The following SPIDR variants were observed in gnomAD, a reference collection of about 807,000 sequenced individuals.
The protein encoded by SPIDR is DNA repair-scaffolding protein.
SPIDR carries 93 observed loss-of-function variants against 104.6 expected under a neutral mutation model. The observed-to-expected ratio is 0.89, with a 90% CI of 0.75 to 1.06. The LOEUF (loss-of-function observed/expected upper bound fraction) is 1.06. Ranked by LOEUF, SPIDR falls within the 50% of genes least tolerant of loss-of-function variation. The pLI, the probability that SPIDR is intolerant of heterozygous loss-of-function variation, is 0.00. For missense variants in SPIDR, 1,154 were observed against 1,111.2 expected (o/e 1.04, Z -0.55); for synonymous variants, 431 against 416.9 (o/e 1.03, Z -0.41).
chr8:47,581,650 C>T lies in SPIDR; in HGVS notation c.1098-14161C>T, dbSNP rs905179820. Among the ~76,000 whole-genome samples the T allele has an allele frequency of 4.6e-5, 7 of 152,140 alleles. 1 individual carries two copies. The highest frequency in any genetic ancestry group is 3.9e-4 in the Admixed American group (6 of 15,274). Reference sequence around the variant, plus strand: ...AACTGAATTGTAAACGACATTATCCCAAGCATGCCTTCCATGAAAAGAAAA... The same window carrying T: ...AACTGAATTGTAAACGACATTATCCTAAGCATGCCTTCCATGAAAAGAAAA... On this transcript the variant is annotated intron_variant, in intron 8 of 19. Transcript: ENST00000297423.
chr8:47,264,713 A>G (rs1554545280), intron 1 of SPIDR, among the ~76,000 whole-genome samples: 3 of 150,650 alleles, frequency 2.0e-5, no homozygotes, highest in African/African-American at 7.3e-5. Flanking sequence ...CACTGCAACC[A>G]CTGTCTCCTG....
At chr8:47,616,918 C>G (rs2064395247) in intron 10 of SPIDR, among the ~76,000 whole-genome samples, 1 of 152,214 alleles carries the variant, frequency 6.6e-6, no homozygotes, top group African/African-American at 2.4e-5. Context: ...CATTACATCT[C>G]ATTGTCATGT....
chr8:47,590,469 T>C (rs1335291014), intron 8 of SPIDR, among the ~76,000 whole-genome samples: 1 of 152,224 alleles, frequency 6.6e-6, no homozygotes, highest in Non-Finnish European at 1.5e-5. Flanking sequence ...TCAAAGTGTT[T>C]GGAGAATTTC....
intron 5 of SPIDR, among the ~76,000 whole-genome samples, chr8:47,380,061 A>C (rs2154299726): frequency 6.6e-6 from 1 of 152,364 alleles, no homozygotes; most frequent in East Asian, 1.9e-4. Flanking sequence ...AACCAGAAGC[A>C]ACCTGTCTTG....
chr8:47,594,346 G>A (rs187584308), intron 8 of SPIDR, among the ~76,000 whole-genome samples: 2 of 151,968 alleles, frequency 1.3e-5, no homozygotes, highest in East Asian at 1.9e-4. Context: ...CCAGCTGGGC[G>A]ACAGAGTAAG....
chr8:47,448,584 C>T (rs1057125742), intron 8 of SPIDR, among the ~76,000 whole-genome samples: 27 of 151,904 alleles, frequency 1.8e-4, no homozygotes, highest in Non-Finnish European at 2.2e-4. Context: ...ACAGAGGTTG[C>T]AAGAGGATTG....
chr8:47,585,807 C>G (rs772668537), intron 8 of SPIDR, among the ~76,000 whole-genome samples: 14 of 152,128 alleles, frequency 9.2e-5, no homozygotes, highest in Non-Finnish European at 1.8e-4. Context: ...AATCCCACTC[C>G]CATGATAACC....
At chr8:47,269,831 C>G (rs951422482) in intron 1 of SPIDR, among the ~76,000 whole-genome samples, 1 of 152,014 alleles carries the variant, frequency 6.6e-6, no homozygotes, top group Non-Finnish European at 1.5e-5. Flanking sequence ...GAGGAAATAA[C>G]CTTCTATATC....
intron 7 of SPIDR, among the ~76,000 whole-genome samples, chr8:47,418,801 C>T (rs1354673298): frequency 6.6e-6 from 1 of 152,160 alleles, no homozygotes; most frequent in Non-Finnish European, 1.5e-5. Flanking sequence ...CCATCAATAC[C>T]TAATTTGTTG....
chr8:47,424,903 G>C (rs1209279357), intron 7 of SPIDR, among the ~76,000 whole-genome samples: 1 of 152,062 alleles, frequency 6.6e-6, no homozygotes, highest in African/African-American at 2.4e-5. Context: ...GGTAATTTTT[G>C]TATTTTTAGT....
At chr8:47,621,019 C>T (rs2065080066) in intron 10 of SPIDR, among the ~76,000 whole-genome samples, 3 of 151,616 alleles carry the variant, frequency 2.0e-5, no homozygotes. Flanking sequence ...TGCAGTGGCA[C>T]AATCTCAGCT....
In SPIDR at chr8:47,374,833, A is replaced by T. The variant is rs1554641320; in HGVS notation, c.526-21543A>T. Among the ~76,000 whole-genome samples the T allele has an allele frequency of 3.3e-5, 5 of 152,310 alleles. 1 individual carries two copies. The South Asian group carries it at 1.0e-3, about 32-fold the overall frequency. ...CACTTTGAGAGGCCAAGATGGGCAG[A>T]TCACTTGAAGTTAGGAAGTTTGAGA... is the stretch of plus-strand genomic sequence containing the variant. On this transcript the variant is annotated intron_variant, in intron 5 of 19. Transcript: ENST00000297423.
intron 5 of SPIDR, among the ~76,000 whole-genome samples, chr8:47,309,328 G>C (rs989556281): frequency 6.6e-6 from 1 of 152,074 alleles, no homozygotes; most frequent in Non-Finnish European, 1.5e-5. Context: ...TGAGGAGTCT[G>C]TATTTTTTTA....
At chr8:47,613,774 A>G (rs571759507) in intron 10 of SPIDR, among the ~76,000 whole-genome samples, 28 of 152,282 alleles carry the variant, frequency 1.8e-4, no homozygotes, top group Non-Finnish European at 3.4e-4. Flanking sequence ...GTCCATTTGC[A>G]TATCTACTAT....
chr8:47,288,999 G>A (rs2039403627), intron 3 of SPIDR, among the ~76,000 whole-genome samples: 1 of 152,098 alleles, frequency 6.6e-6, no homozygotes, highest in African/African-American at 2.4e-5. Flanking sequence ...TTCCTTGTGG[G>A]AAGGAGCTTT....
intron 19 of SPIDR, among the ~76,000 whole-genome samples, chr8:47,733,639 C>T (rs1033733544): frequency 6.6e-6 from 1 of 152,038 alleles, no homozygotes; most frequent in African/African-American, 2.4e-5. Flanking sequence ...CCTGCTTCTG[C>T]TTCTGTATCC....
intron 8 of SPIDR, among the ~76,000 whole-genome samples, chr8:47,588,914 A>T (rs1052210664): frequency 2.2e-4 from 34 of 152,038 alleles, no homozygotes; most frequent in African/African-American, 8.0e-4. Flanking sequence ...AATTAACACC[A>T]CTTGGTCATA....
chr8:47,363,501 A>T lies in SPIDR; in HGVS notation c.526-32875A>T, dbSNP rs138027671. Among the ~76,000 whole-genome samples the T allele has an allele frequency of 7.9e-3, 236 of 29,694 alleles. 2 individuals are homozygous for T. The highest frequency in any genetic ancestry group is 0.012 in the African/African-American group (206 of 17,090). 19.5% of individuals were successfully genotyped at this position (29,694 alleles called of 152,430 possible). A position where few individuals can be genotyped will look rare whatever the true frequency, so the allele number is the denominator to read the frequency against. ...TGAGCTACCACGCCCAACCTTTTTT[A>T]AAAAAAAAAAAAAAAAATTAGGTCA... On this transcript the variant is annotated intron_variant, in intron 5 of 19. Transcript: ENST00000297423.
At chr8:47,608,804 A>C (rs2063278813) in intron 10 of SPIDR, among the ~76,000 whole-genome samples, 1 of 152,160 alleles carries the variant, frequency 6.6e-6, no homozygotes, top group Non-Finnish European at 1.5e-5. Context: ...GCTCACTGCA[A>C]CCTCGGCCTC....
Sources: gnomAD v4.1 joint callset for allele counts (sites outside exome capture counted in the v4.1 genomes callset) on GRCh38, gnomAD v4.1.1 for gene constraint, MANE v1.5 for transcripts, NCBI Gene and HGNC (gene_info 2026-07-23, HGNC 2026-07-21) for gene names.